The following GRM5 variants were observed in gnomAD, a reference collection of about 807,000 sequenced individuals.
GRM5 encodes the protein metabotropic glutamate receptor 5.
GRM5 carries 19 observed loss-of-function variants against 83.1 expected under a neutral mutation model. The ratio of observed to expected loss-of-function variants is 0.23; its 90% CI spans 0.16 to 0.34. The LOEUF (loss-of-function observed/expected upper bound fraction) is 0.34, where lower values mean the gene tolerates loss of function less well. Ranked by LOEUF, GRM5 falls within the 10% of genes least tolerant of loss-of-function variation. The pLI, the probability that GRM5 is intolerant of heterozygous loss-of-function variation, is 1.00. For missense variants in GRM5, 1,160 were observed against 1,588.3 expected (o/e 0.73, Z 4.58); for synonymous variants, 675 against 633.6 (o/e 1.07, Z -0.98).
At chr11:88,837,541 G>T (rs1217152555) in intron 3 of GRM5, among the ~76,000 whole-genome samples, 3 of 152,046 alleles carry the variant, frequency 2.0e-5, no homozygotes, top group Admixed American at 1.3e-4. Flanking sequence ...ACAAATGTTC[G>T]CAGTGTAATC....
intron 4 of GRM5, among the ~76,000 whole-genome samples, chr11:88,616,445 T>TAAAAAAA (rs1474763138): frequency 2.9e-5 from 4 of 138,724 alleles, no homozygotes; most frequent in African/African-American, 1.0e-4. Flanking sequence ...TGATTTTCAT[T>TAAAAAAA]AAAAATTTTT....
chr11:88,873,783 CA>C (rs1415476956), intron 2 of GRM5, among the ~76,000 whole-genome samples: 1 of 151,390 alleles, frequency 6.6e-6, no homozygotes, highest in Admixed American at 6.6e-5. Context: ...AAGAAATAAG[CA>C]AAAGTTGCAT....
At chr11:88,724,125 T>A (rs932507718) in intron 3 of GRM5, among the ~76,000 whole-genome samples, 5 of 152,160 alleles carry the variant, frequency 3.3e-5, no homozygotes, top group African/African-American at 1.2e-4. Context: ...TCCAGATCCA[T>A]CTTTGACCAT....
intron 2 of GRM5, among the ~76,000 whole-genome samples, chr11:88,966,885 A>G (rs1938992073): frequency 6.6e-6 from 1 of 152,110 alleles, no homozygotes; most frequent in East Asian, 1.9e-4. Flanking sequence ...CCTCTCATGG[A>G]ATAAACATGA....
intron 7 of GRM5, among the ~76,000 whole-genome samples, chr11:88,573,564 T>C (rs1943049652): frequency 6.6e-6 from 1 of 152,174 alleles, no homozygotes; most frequent in African/African-American, 2.4e-5. Flanking sequence ...ATAAGATGTA[T>C]GTGCTCTCAG....
At position 88,592,736 on chromosome 11, in the gene GRM5, A is replaced by G. The variant is rs141215359; in HGVS notation, c.1564-2009T>C. Among the ~76,000 whole-genome samples the G allele has an allele frequency of 7.2e-3, 1,091 of 152,312 alleles. 15 individuals carry two copies. Among genetic ancestry groups the G allele is most frequent in the African/African-American group, 0.025 (1,037 of 41,554 alleles). Reference sequence around the variant, plus strand: ...TTTCATATTTTATGTTCTGTTTCACATCTATTTTGAACACGAGGTAGTGAC... The same window carrying G: ...TTTCATATTTTATGTTCTGTTTCACGTCTATTTTGAACACGAGGTAGTGAC... On this transcript the variant is annotated intron_variant, in intron 6 of 9. Transcript: ENST00000305447.
At chr11:88,570,459 A>G (rs184389380) in intron 7 of GRM5, among the ~76,000 whole-genome samples, 209 of 149,554 alleles carry the variant, frequency 1.4e-3, no homozygotes, top group Middle Eastern at 3.5e-3. Flanking sequence ...GTTGGAATTC[A>G]ACCTCTGATA....
chr11:89,017,224 T>C (rs553917679), intron 2 of GRM5, among the ~76,000 whole-genome samples: 6 of 152,300 alleles, frequency 3.9e-5, no homozygotes, highest in African/African-American at 1.4e-4. Context: ...GTTTAACTAA[T>C]GGACTTCTGA....
At chr11:89,017,502 C>A (rs1940886601) in intron 2 of GRM5, among the ~76,000 whole-genome samples, 1 of 152,176 alleles carries the variant, frequency 6.6e-6, no homozygotes, top group Admixed American at 6.5e-5. Flanking sequence ...TACCATTTAT[C>A]CAATAAATAC....
chr11:88,703,139 A>T (rs1565193317), intron 3 of GRM5, among the ~76,000 whole-genome samples: 1 of 152,102 alleles, frequency 6.6e-6, no homozygotes, highest in Non-Finnish European at 1.5e-5. Flanking sequence ...ACTCTAAAGC[A>T]TTGGTAGATG....
chr11:88,606,117 T>A (rs562533039), intron 4 of GRM5, among the ~76,000 whole-genome samples: 1 of 152,050 alleles, frequency 6.6e-6, no homozygotes, highest in African/African-American at 2.4e-5. Flanking sequence ...TAGAGCATGC[T>A]ATGTTTGGGA....
intron 3 of GRM5, among the ~76,000 whole-genome samples, chr11:88,686,841 A>C (rs7119837): frequency 6.6e-6 from 1 of 151,988 alleles, no homozygotes; most frequent in Non-Finnish European, 1.5e-5. Flanking sequence ...TCCCAGTCTC[A>C]GGTTTGTCTT....
chr11:88,903,964 G>T (rs1945361702), intron 2 of GRM5, among the ~76,000 whole-genome samples: 2 of 152,174 alleles, frequency 1.3e-5, no homozygotes, highest in Admixed American at 1.3e-4. Context: ...TGCTGAGTGA[G>T]ATGGAAGGAA....
chr11:88,938,364 T>C (rs1170454227), intron 2 of GRM5, among the ~76,000 whole-genome samples: 1 of 151,618 alleles, frequency 6.6e-6, no homozygotes, highest in Non-Finnish European at 1.5e-5. Flanking sequence ...GGGAGAGACA[T>C]CTTTTATATT....
chr11:88,798,578 T>G (rs1943325913), intron 3 of GRM5, among the ~76,000 whole-genome samples: 1 of 151,876 alleles, frequency 6.6e-6, no homozygotes, highest in Non-Finnish European at 1.5e-5. Flanking sequence ...ATCATTAAGT[T>G]TAAAAGTTAT....
At chr11:88,806,801 A>G (rs1047501682) in intron 3 of GRM5, among the ~76,000 whole-genome samples, 3 of 151,968 alleles carry the variant, frequency 2.0e-5, no homozygotes, top group Non-Finnish European at 4.4e-5. Flanking sequence ...ATCTTTTTAT[A>G]CTTGTATTCT....
rs79770608 is a variant in GRM5, at chr11:88,597,016, A to G, written c.1563+168T>C. On this transcript the variant is annotated intron_variant, in intron 6 of 9. Transcript: ENST00000305447. ...TTCAATCAAACCAACTAATAAGACT[A>G]TTGTGAGTTGCACATGGGATTTCAC... Among the ~76,000 whole-genome samples, 1,101 of 152,248 alleles carry G rather than the reference A, an allele frequency of 7.2e-3. 15 individuals are homozygous for G. Among genetic ancestry groups the G allele is most frequent in the African/African-American group, 0.025 (1,046 of 41,574 alleles).
Position 88,508,791 on chromosome 11 carries a change from C to CCGG in GRM5, c.3437_3439dup (p.Ala1146dup). ...TGGCTTGGCGGCCGCAGCCTCGGGA[C>CCGG]CGGCCGCGGGGCTCTCCCGGGCCGC... is the stretch of plus-strand genomic sequence containing the variant. On this transcript the variant is annotated inframe_insertion, in exon 10 of 10. Transcript: ENST00000305447. This position sits in a 1 kb window ranked among gnomAD's most constrained non-coding sequence, Gnocchi z 4.2. 1 of 1,460,464 alleles carries CCGG rather than the reference C, an allele frequency of 6.8e-7. No individual in the cohort carries two copies. Among genetic ancestry groups the CCGG allele is most frequent in the East Asian group, 2.9e-5 (1 of 34,370 alleles). 90.5% of individuals were successfully genotyped at this position (1,460,464 alleles called of 1,614,324 possible). A position where few individuals can be genotyped will look rare whatever the true frequency, so the allele number is the denominator to read the frequency against.
At chr11:88,625,885 A>G (rs115404416) in intron 4 of GRM5, among the ~76,000 whole-genome samples, 1,627 of 152,356 alleles carry the variant, frequency 0.011, 29 homozygotes, top group African/African-American at 0.036. Flanking sequence ...AGCTTTGGTC[A>G]AAGGAGAAAG....
Sources: gnomAD v4.1 joint callset for allele counts (sites outside exome capture counted in the v4.1 genomes callset) on GRCh38, gnomAD v4.1.1 for gene constraint, Gnocchi (gnomAD v3.1) non-coding constraint, MANE v1.5 for transcripts, NCBI Gene and HGNC (gene_info 2026-07-23, HGNC 2026-07-21) for gene names.